ARB2A: variants seen among roughly 807,000 people sequenced by gnomAD.
ARB2A encodes the protein ARB2 cotranscriptional regulator A.
chr5:93,771,879 T>C, the ARB2A span, among the ~76,000 whole-genome samples: 3 of 152,176 alleles, frequency 2.0e-5, no homozygotes, highest in Non-Finnish European at 4.4e-5. Context: ...TAGTTCAACC[T>C]TTGTGGAAGT....
At chr5:94,018,282 C>CA in the ARB2A span, among the ~76,000 whole-genome samples, 1 of 152,198 alleles carries the variant, frequency 6.6e-6, no homozygotes, top group Non-Finnish European at 1.5e-5. Context: ...GACCAATACT[C>CA]AGTGACTGAT....
chr5:93,954,797 C>T, the ARB2A span, among the ~76,000 whole-genome samples: 12 of 152,140 alleles, frequency 7.9e-5, no homozygotes, highest in Non-Finnish European at 1.8e-4. Flanking sequence ...CACTTTGGCT[C>T]GTGCTGTGAG....
At chr5:93,724,255 A>G in the ARB2A span, among the ~76,000 whole-genome samples, 1 of 152,008 alleles carries the variant, frequency 6.6e-6, no homozygotes, top group African/African-American at 2.4e-5. Context: ...AGCAATTAAC[A>G]TTACCAAAAG....
the ARB2A span, among the ~76,000 whole-genome samples, chr5:94,025,277 C>A: frequency 6.6e-6 from 1 of 152,172 alleles, no homozygotes; most frequent in Non-Finnish European, 1.5e-5. Flanking sequence ...AAGGTGCTAG[C>A]CAATTTGGTT....
At chr5:93,702,105 A>G in the ARB2A span, among the ~76,000 whole-genome samples, 1 of 152,216 alleles carries the variant, frequency 6.6e-6, no homozygotes, top group Admixed American at 6.5e-5. Context: ...AAATGTAAAA[A>G]TGGAATTAAC....
the ARB2A span, among the ~76,000 whole-genome samples, chr5:93,918,788 A>C: frequency 6.6e-6 from 1 of 152,124 alleles, no homozygotes; most frequent in Admixed American, 6.6e-5. Context: ...TAAGTACTAA[A>C]GTTTATTTTC....
chr5:94,055,449 G>A, the ARB2A span, among the ~76,000 whole-genome samples: 1 of 151,954 alleles, frequency 6.6e-6, no homozygotes, highest in African/African-American at 2.4e-5. Context: ...TCTCTCTGTA[G>A]AACACAAAAA....
chr5:93,716,041 G>A, the ARB2A span, among the ~76,000 whole-genome samples: 112 of 152,290 alleles, frequency 7.4e-4, 1 homozygote, highest in South Asian at 0.022. Flanking sequence ...TCTCTGCTGA[G>A]TGATAGCTCA....
chr5:93,913,518 A>T, the ARB2A span, among the ~76,000 whole-genome samples: 1 of 151,964 alleles, frequency 6.6e-6, no homozygotes, highest in Non-Finnish European at 1.5e-5. Context: ...AACAGCTTGG[A>T]GCATGAGCCG....
At chr5:93,692,770 T>C in the ARB2A span, among the ~76,000 whole-genome samples, 1 of 152,098 alleles carries the variant, frequency 6.6e-6, no homozygotes. Flanking sequence ...CACCACATCA[T>C]ACTTATTCTA....
At chr5:93,781,227 A>G in the ARB2A span, among the ~76,000 whole-genome samples, 1 of 152,102 alleles carries the variant, frequency 6.6e-6, no homozygotes, top group East Asian at 1.9e-4. Flanking sequence ...ATATGTACCC[A>G]TAGTTTAGCT....
At chr5:93,802,432 A>C in the ARB2A span, among the ~76,000 whole-genome samples, 1 of 152,104 alleles carries the variant, frequency 6.6e-6, no homozygotes, top group Non-Finnish European at 1.5e-5. Flanking sequence ...TGTATCAAAT[A>C]AGCATCTAAT....
chr5:93,690,853 C>CA, the ARB2A span, among the ~76,000 whole-genome samples: 1 of 152,136 alleles, frequency 6.6e-6, no homozygotes, highest in Non-Finnish European at 1.5e-5. Context: ...GAACAGACAG[C>CA]AATCCTTGCT....
chr5:93,808,038 A>G, the ARB2A span, among the ~76,000 whole-genome samples: 1 of 152,026 alleles, frequency 6.6e-6, no homozygotes, highest in African/African-American at 2.4e-5. Flanking sequence ...AACCTTGCCC[A>G]GGGCCTTATG....
the ARB2A span, among the ~76,000 whole-genome samples, chr5:94,016,562 G>C: frequency 6.6e-6 from 1 of 152,194 alleles, no homozygotes; most frequent in Non-Finnish European, 1.5e-5. Context: ...GAATAGACCA[G>C]ATGAAGCAGC....
the ARB2A span, among the ~76,000 whole-genome samples, chr5:94,028,164 T>A: frequency 1.3e-5 from 2 of 152,198 alleles, no homozygotes; most frequent in African/African-American, 4.8e-5. Context: ...CAGATAGACA[T>A]TATCTCATCT....
At chr5:93,958,789 T>C in the ARB2A span, 1 of 1,532,208 alleles carries the variant, frequency 6.5e-7, no homozygotes, top group African/African-American at 1.4e-5. Flanking sequence ...CCACAGCTCT[T>C]TTAATAAACG....
the ARB2A span, among the ~76,000 whole-genome samples, chr5:93,899,423 T>A: frequency 1.1e-4 from 16 of 152,098 alleles, no homozygotes; most frequent in Non-Finnish European, 2.2e-4. Context: ...TTTCCCTATA[T>A]ATTAATGGAA....
chr5:93,752,302 A>C, the ARB2A span, among the ~76,000 whole-genome samples: 1 of 152,220 alleles, frequency 6.6e-6, no homozygotes, highest in African/African-American at 2.4e-5. Flanking sequence ...AAAAGCCATG[A>C]AGCTATTCCT....
Sources: gnomAD v4.1 joint callset for allele counts (sites outside exome capture counted in the v4.1 genomes callset) on GRCh38, gnomAD v4.1.1 for gene constraint, MANE v1.5 for transcripts, NCBI Gene and HGNC (gene_info 2026-07-23, HGNC 2026-07-21) for gene names.